OC90: variants seen among roughly 807,000 people sequenced by gnomAD.
OC90 encodes the protein otoconin 90.
OC90 carries 46 observed loss-of-function variants against 47.3 expected under a neutral mutation model. The observed-to-expected ratio is 0.97, with a 90% CI of 0.77 to 1.24. The LOEUF (loss-of-function observed/expected upper bound fraction) is 1.24. Ranked by LOEUF, OC90 falls within the 50% of genes most tolerant of loss-of-function variation. The pLI is 0.00. For missense variants in OC90, 688 were observed against 583.9 expected, an observed-to-expected ratio of 1.18 and a Z score of -1.84; for synonymous variants, 271 against 219.5, an observed-to-expected ratio of 1.23 and a Z score of -2.07.
At chr8:132,043,705 A>G (rs1823087854) in intron 4 of OC90, among the ~76,000 whole-genome samples, 1 of 152,348 alleles carries the variant, frequency 6.6e-6, no homozygotes, top group Admixed American at 6.5e-5. Flanking sequence ...TCAGAAAAAT[A>G]AAGACAGAAT....
At chr8:132,045,996 A>C in intron 2 of OC90, 113 bp from the exon 3 acceptor site, 1 of 676,800 alleles carries the variant, frequency 1.5e-6, no homozygotes, top group South Asian at 1.7e-5. Flanking sequence ...CATAAATTCA[A>C]TTCCATGCAT....
intron 13 of OC90, 67 bp from the exon 14 acceptor site, chr8:132,024,843 C>T (rs1243882085): frequency 3.6e-6 from 5 of 1,380,238 alleles, no homozygotes; most frequent in Non-Finnish European, 5.0e-6. Context: ...GCCCCACGGC[C>T]CTGGCCACCC....
intron 7 of OC90, 80 bp downstream of exon 7, chr8:132,038,915 A>G: frequency 3.7e-6 from 6 of 1,607,154 alleles, no homozygotes; most frequent in Non-Finnish European, 4.3e-6. Flanking sequence ...GCATCTAGAG[A>G]CATGAAGCAA....
intron 13 of OC90, among the ~76,000 whole-genome samples, chr8:132,026,739 G>A (rs1822764467): frequency 6.6e-6 from 1 of 152,166 alleles, no homozygotes; most frequent in Non-Finnish European, 1.5e-5. Context: ...AGCCCAGCAG[G>A]TGAGACCTCC....
At position 132,033,131 on chromosome 8, in the gene OC90, G is replaced by T. The variant is rs1249893124; in HGVS notation, c.767C>A (p.Ala256Asp). 5.0e-6 allele frequency: 8 copies of T among 1,607,004 alleles called. No individual in the cohort carries two copies. Among genetic ancestry groups the T allele is most frequent in the Non-Finnish European group, 6.8e-6 (8 of 1,176,546 alleles). The change falls in exon 11 of 14, where the codon GCT becomes GAT. Residue 256 changes from alanine (A) to aspartate (D), a missense_variant. By Grantham distance (126) the Ala-to-Asp change is moderately radical. Coordinates refer to ENST00000254627, the MANE Select transcript of OC90 (RefSeq NM_001080399.3). ...SAEIVATRVT[A>D]KIVTLVPAGI... Reference sequence around the variant, plus strand: ...AGCAGGGACAAGGGTTACAATTTTAGCTGTAACCCTTGTTGCAACTATCTC... The same window carrying T: ...AGCAGGGACAAGGGTTACAATTTTATCTGTAACCCTTGTTGCAACTATCTC...
At chr8:132,051,114 A>C (rs567410937) in intron 2 of OC90, among the ~76,000 whole-genome samples, 1 of 152,328 alleles carries the variant, frequency 6.6e-6, no homozygotes, top group East Asian at 1.9e-4. Flanking sequence ...AGAGATCTAA[A>C]GATGATCCTA....
chr8:132,040,301 T>G (rs1371667654), intron 6 of OC90, among the ~76,000 whole-genome samples: 1 of 152,234 alleles, frequency 6.6e-6, no homozygotes, highest in Non-Finnish European at 1.5e-5. Flanking sequence ...GGCCCCTTTC[T>G]AAATAGGGTT....
At chr8:132,033,788 CA>C (rs528897058) in intron 10 of OC90, among the ~76,000 whole-genome samples, 3 of 152,164 alleles carry the variant, frequency 2.0e-5, no homozygotes, top group Non-Finnish European at 4.4e-5. Flanking sequence ...CTGGAGGCAG[CA>C]AAGTCTCCCA....
intron 2 of OC90, among the ~76,000 whole-genome samples, chr8:132,048,724 CCT>C (rs1279334040): frequency 1.3e-5 from 2 of 151,584 alleles, no homozygotes; most frequent in Non-Finnish European, 2.9e-5. Context: ...CCCACTCCCC[CCT>C]GTTTTACAGG....
Position 132,038,932 on chromosome 8 carries a change from A to AT in OC90, c.586+62dup. The AT allele has an allele frequency of 4.3e-6, 7 of 1,612,622 alleles. 1 individual carries two copies. In the Admixed American group the frequency reaches 1.2e-4, roughly 27 times the overall value. ...ATCTAGAGACATGAAGCAATAATTG[A>AT]TCCCAAACCAGCTGCTGTCCAGATC... On this transcript the variant is annotated intron_variant, in intron 7 of 13. Coordinates refer to ENST00000254627, the MANE Select transcript of OC90 (RefSeq NM_001080399.3).
At chr8:132,030,523 T>G (rs1822858588) in intron 12 of OC90, among the ~76,000 whole-genome samples, 1 of 152,206 alleles carries the variant, frequency 6.6e-6, no homozygotes, top group South Asian at 2.1e-4. Context: ...ATACAGAAAC[T>G]GCTACTGGCT....
Position 132,029,248 on chromosome 8 carries a change from C to T in OC90, c.1032-69G>A, listed in dbSNP as rs548925671. ...CCCTAGGAACCCCCTCAAGCACAGC[C>T]TGCTTCTCCCACATACCCTATAGTA... On this transcript the variant is annotated intron_variant, in intron 12 of 13. Coordinates refer to ENST00000254627, the MANE Select transcript of OC90 (RefSeq NM_001080399.3). The T allele has an allele frequency of 7.5e-6, 9 of 1,193,624 alleles. No individual in the cohort carries two copies. In the East Asian group the frequency reaches 2.1e-4, roughly 28 times the overall value. The allele number at this position is 1,193,624 out of a possible 1,614,324, so 73.9% of individuals were successfully genotyped here.
At chr8:132,049,955 A>G (rs533336561) in intron 2 of OC90, 17 of 459,346 alleles carry the variant, frequency 3.7e-5, no homozygotes, top group South Asian at 2.6e-4. Context: ...CTGTTGCACC[A>G]TCTCACCTCT....
chr8:132,046,599 A>G (rs904738317), intron 2 of OC90, among the ~76,000 whole-genome samples: 2 of 152,228 alleles, frequency 1.3e-5, no homozygotes, highest in African/African-American at 4.8e-5. Flanking sequence ...GGACAAATAT[A>G]TGGGAGTTGG....
chr8:132,027,223 C>T (rs867511871), intron 13 of OC90, among the ~76,000 whole-genome samples: 9 of 152,164 alleles, frequency 5.9e-5, no homozygotes, highest in African/African-American at 1.4e-4. Context: ...ACATCACTTC[C>T]GTCCAAGCTG....
At chr8:132,036,177 T>A (rs1822957891) in intron 9 of OC90, among the ~76,000 whole-genome samples, 1 of 152,224 alleles carries the variant, frequency 6.6e-6, no homozygotes. Context: ...CAGCCCAAGT[T>A]ACTTGCTGAG....
chr8:132,041,843 C>T lies in OC90; in HGVS notation c.170-144G>A, dbSNP rs1823059181. The T allele has an allele frequency of 7.7e-6, 4 of 522,284 alleles. No individual in the cohort carries two copies. In the African/African-American group the frequency reaches 7.8e-5, roughly 10 times the overall value. The allele number at this position is 522,284 out of a possible 1,614,324, so 32.4% of individuals were successfully genotyped here. A position where few individuals can be genotyped will look rare whatever the true frequency, so the allele number is the denominator to read the frequency against. ...TACTCTGTAATAAAACTGTTTTAGA[C>T]TAAGCCATCATCCCTGCTGGTTTTC... On this transcript the variant is annotated intron_variant, in intron 4 of 13. Transcript: ENST00000254627.
rs1346255755 is a variant in OC90, at chr8:132,037,429, C to A, written c.679+9G>T. On this transcript the variant is annotated intron_variant, in intron 9 of 13. Transcript: ENST00000254627. ...TCTTTGGGTTCCACACTAGCCCCTTCTGGCTCACCTTCTCCTGAAAGGGCT... is the reference window on the plus strand; with the variant it reads ...TCTTTGGGTTCCACACTAGCCCCTTATGGCTCACCTTCTCCTGAAAGGGCT... 6.3e-7 allele frequency: 1 copy of A among 1,578,622 alleles called. No homozygotes were observed. The highest frequency in any genetic ancestry group is 1.8e-5 in the Admixed American group (1 of 55,074).
rs370998410 is a variant in OC90 at position 132,045,842 on chromosome 8, G to C, written c.88C>G (p.Pro30Ala). 2.1e-5 allele frequency: 33 copies of C among 1,545,854 alleles called. No homozygotes were observed. Among genetic ancestry groups the C allele is most frequent in the Admixed American group, 1.2e-4 (6 of 50,976 alleles). ...LDTPHLPQEL[P>A]PGLPNNINIT... Reference sequence around the variant, plus strand: ...CTGATATTGTTTGGGAGTCCTGGAGGCAGCTCCTGTGGAAGATGTGGAGTG... The same window carrying C: ...CTGATATTGTTTGGGAGTCCTGGAGCCAGCTCCTGTGGAAGATGTGGAGTG... Residue 30 changes from proline (P) to alanine (A), a missense_variant, in exon 3 of 14, where the codon CCT becomes GCT. By Grantham distance (27) the Pro-to-Ala change is conservative. Transcript: ENST00000254627.
Sources: allele counts gnomAD v4.1 joint callset (sites outside exome capture counted in the v4.1 genomes callset), GRCh38; gene constraint gnomAD v4.1.1; transcripts MANE v1.5; gene names NCBI Gene and HGNC (gene_info 2026-07-23, HGNC 2026-07-21).